WNK4: variants seen among roughly 807,000 people sequenced by gnomAD.
The protein encoded by WNK4 is WNK lysine deficient protein kinase 4.
Under a neutral mutation model 116.2 loss-of-function variants are expected in WNK4, and 94 were observed. The ratio of observed to expected loss-of-function variants is 0.81; its 90% confidence interval spans 0.68 to 0.96. The LOEUF (loss-of-function observed/expected upper bound fraction) is 0.96, where lower values mean the gene tolerates loss of function less well. Ranked by LOEUF, WNK4 falls within the 40% of genes least tolerant of loss-of-function variation. The pLI is 0.00. For missense variants in WNK4, 1,542 were observed against 1,650.6 expected, an observed-to-expected ratio of 0.93 and a Z score of 1.14; for synonymous variants, 655 against 672.7, an observed-to-expected ratio of 0.97 and a Z score of 0.41.
chr17:42,793,552 A>G (rs2054627218), intron 11 of WNK4, 40 bp from the exon 12 acceptor site: 1 of 1,612,156 alleles, frequency 6.2e-7, no homozygotes, highest in South Asian at 1.1e-5. Context: ...GATGAGTGAG[A>G]TAACAAGCTC....
chr17:42,786,771 G>C (rs577199656), intron 6 of WNK4, among the ~76,000 whole-genome samples: 1 of 152,322 alleles, frequency 6.6e-6, no homozygotes, highest in African/African-American at 2.4e-5. Context: ...CTGAGAATGT[G>C]TTAGAAATTT....
chr17:42,781,429 A>T, intron 1 of WNK4, 113 bp downstream of exon 1: 3 of 1,407,986 alleles, frequency 2.1e-6, no homozygotes, highest in Non-Finnish European at 2.9e-6. Context: ...TTTTCCAGTC[A>T]AATGTCTATA....
chr17:42,794,724 G>A (rs2054643581), intron 13 of WNK4, 48 bp from the exon 14 acceptor site: 1 of 1,613,870 alleles, frequency 6.2e-7, no homozygotes, highest in Admixed American at 1.7e-5. Context: ...CTCCTGGGAA[G>A]GGCATAGGGC....
chr17:42,787,547 G>A lies in WNK4; in HGVS notation c.1741+5G>A. ...CCAGCTACTCATCTACCACTTGTAA[G>A]TCACCCCTGATCTTGAGACGTAGGT... On this transcript the variant is annotated splice_donor_5th_base_variant and intron_variant, in intron 7 of 18. Transcript: ENST00000246914. The A allele has an allele frequency of 6.2e-7, 1 of 1,612,656 alleles. No homozygotes were observed. The highest frequency in any genetic ancestry group is 8.5e-7 in the Non-Finnish European group (1 of 1,179,936).
intron 6 of WNK4, among the ~76,000 whole-genome samples, chr17:42,786,870 G>T (rs1239590828): frequency 6.6e-6 from 1 of 152,174 alleles, no homozygotes; most frequent in Non-Finnish European, 1.5e-5. Flanking sequence ...TGGCACTGTT[G>T]ACATGTTTGT....
At position 42,787,462 on chromosome 17, in the gene WNK4, T is replaced by A; in HGVS notation, c.1661T>A (p.Phe554Tyr). Residue 554 changes from phenylalanine to tyrosine, a missense_variant, in exon 7 of 19, where the codon TTC becomes TAC. Physicochemically the swap from Phe to Tyr is conservative, Grantham distance 22. Transcript: ENST00000246914. ...ATGGCCCCCGGTCCCCCCAGTGTCT[T>A]CCCCCCTGAGCCTGAGGAGCCAGAG... ...VPMAPGPPSV[F>Y]PPEPEEPEAD... 7.3e-7 allele frequency: 1 copy of A among 1,361,584 alleles called. No homozygotes were observed. Among genetic ancestry groups the A allele is most frequent in the Admixed American group, 1.9e-5 (1 of 51,584 alleles). 84.3% of individuals were successfully genotyped at this position (1,361,584 alleles called of 1,614,324 possible). A position where few individuals can be genotyped will look rare whatever the true frequency, so the allele number is the denominator to read the frequency against.
rs7226262 is a variant in WNK4, at chr17:42,782,248, A to G, written c.619-510A>G. 0.11 allele frequency among the ~76,000 whole-genome samples: 16,697 copies of G among 152,010 alleles called. 2,805 individuals are homozygous for G. Among genetic ancestry groups the G allele is most frequent in the African/African-American group, 0.36 (14,859 of 41,330 alleles). Reference sequence around the variant, plus strand: ...GGGCGGGACGACTATGGGGGTGGGCAGCCTCCTGGCGCCTAGTCCTGGATC... The same window carrying G: ...GGGCGGGACGACTATGGGGGTGGGCGGCCTCCTGGCGCCTAGTCCTGGATC... On this transcript the variant is annotated intron_variant, in intron 1 of 18. Coordinates refer to ENST00000246914, the MANE Select transcript of WNK4 (RefSeq NM_032387.5). This position sits in a 1 kb window ranked among gnomAD's most constrained non-coding sequence, Gnocchi z 4.2.
Position 42,795,104 on chromosome 17 carries a change from A to G in WNK4, c.2683A>G (p.Thr895Ala). The change falls in exon 14 of 19, where the codon ACT becomes GCT. Residue 895 changes from threonine to alanine, a missense_variant. Physicochemically the swap from Thr to Ala is moderately conservative, Grantham distance 58 (BLOSUM62 0). Coordinates refer to ENST00000246914, the MANE Select transcript of WNK4 (RefSeq NM_032387.5). ...GACTTCTCCACCTACGTTCTCTCCCACTTGTTCTCAGGTCACTCTTAGTTC... is the reference window on the plus strand; with the variant it reads ...GACTTCTCCACCTACGTTCTCTCCCGCTTGTTCTCAGGTCACTCTTAGTTC... ...PTTSPPTFSPTCSQVTLSSPF... is the reference protein window; with the variant it reads ...PTTSPPTFSPACSQVTLSSPF... 1 of 1,612,916 alleles carries G rather than the reference A, an allele frequency of 6.2e-7. No individual in the cohort carries two copies. The highest frequency in any genetic ancestry group is 8.5e-7 in the Non-Finnish European group (1 of 1,179,746).
intron 11 of WNK4, among the ~76,000 whole-genome samples, chr17:42,792,523 A>G (rs1451506860): frequency 6.6e-6 from 1 of 152,212 alleles, no homozygotes; most frequent in Non-Finnish European, 1.5e-5. Context: ...TGTACCCATT[A>G]AACAACTCTG....
chr17:42,796,677 T>C lies in WNK4; in HGVS notation c.3730-9T>C. On this transcript the variant is annotated splice_polypyrimidine_tract_variant and intron_variant, in intron 18 of 18. Coordinates refer to ENST00000246914, the MANE Select transcript of WNK4 (RefSeq NM_032387.5). ...GAGGTTTCTTCATCACTTTTTCTTT[T>C]CCCTCCAGTGAATTCAGAACAGAAG... The C allele has an allele frequency of 6.2e-7, 1 of 1,614,096 alleles. No individual in the cohort carries two copies. Among genetic ancestry groups the C allele is most frequent in the Non-Finnish European group, 8.5e-7 (1 of 1,180,026 alleles).
At chr17:42,789,665 AAAATAAATAAATAAAT>A (rs3138622) in intron 11 of WNK4, among the ~76,000 whole-genome samples, 39 of 143,134 alleles carry the variant, frequency 2.7e-4, no homozygotes, top group South Asian at 4.6e-4. Flanking sequence ...ATTCTGTCTA[AAAATAAATAAATAAAT>A]AAATAAATAA....
Position 42,783,929 on chromosome 17 carries a change from TC to T in WNK4, c.792-3del. 2 of 1,611,466 alleles carry T rather than the reference TC, an allele frequency of 1.2e-6. No homozygotes were observed. On this transcript the variant is annotated splice_polypyrimidine_tract_variant and splice_region_variant and intron_variant, in intron 2 of 18. Coordinates refer to ENST00000246914, the MANE Select transcript of WNK4 (RefSeq NM_032387.5). ...CCACCAGGACTCTGGCTATGCGCCC[TC>T]CCCCAGGTACCTGAGGCGGTTCCGG...
Position 42,784,534 on chromosome 17 carries a change from C to A in WNK4, c.1125C>A (p.Tyr375Ter). 1 of 1,614,174 alleles carries A rather than the reference C, an allele frequency of 6.2e-7. No homozygotes were observed. The highest frequency in any genetic ancestry group is 8.5e-7 in the Non-Finnish European group (1 of 1,180,036). The change falls in exon 4 of 19, where the codon TAC becomes TAA. Residue 375 changes from tyrosine to a stop codon, truncating the protein, a stop_gained. Coordinates refer to ENST00000246914, the MANE Select transcript of WNK4 (RefSeq NM_032387.5). LOFTEE classifies it high-confidence loss of function. This position sits in a 1 kb window ranked among gnomAD's most constrained non-coding sequence, Gnocchi z 4.4. ...AGATGGCCACCTCTGAGTACCCGTA[C>A]TCCGAGTGCCAGAATGCCGCGCAAA... ...MLEMATSEYPYSECQNAAQIY... is the reference protein window; with the variant it reads ...MLEMATSEYP
At chr17:42,783,047 T>C (rs1308366849) in intron 2 of WNK4, 117 bp downstream of exon 2, 3 of 1,368,782 alleles carry the variant, frequency 2.2e-6, no homozygotes, top group South Asian at 2.6e-5. Context: ...AGGTTCACCA[T>C]CTCCCTCTCA....
In WNK4 at chr17:42,794,874, C is replaced by T. The variant is rs1467251720; in HGVS notation, c.2453C>T (p.Ser818Phe). 1.2e-6 allele frequency: 2 copies of T among 1,613,770 alleles called. No homozygotes were observed. The highest frequency in any genetic ancestry group is 2.2e-5 in the East Asian group (1 of 44,850). The change falls in exon 14 of 19, where the codon TCC becomes TTC. Residue 818 changes from serine (S) to phenylalanine (F), a missense_variant. Physicochemically the swap from Ser to Phe is radical, Grantham distance 155. Coordinates refer to ENST00000246914, the MANE Select transcript of WNK4 (RefSeq NM_032387.5). Reference protein sequence around the residue: ...GTPLSPGNPFSPGTPISPGPI... With the variant: ...GTPLSPGNPFFPGTPISPGPI... ...CCTTTGTCTCCTGGAAACCCATTTTCCCCTGGAACCCCCATTTCCCCAGGT... is the reference window on the plus strand; with the variant it reads ...CCTTTGTCTCCTGGAAACCCATTTTTCCCTGGAACCCCCATTTCCCCAGGT...
At position 42,793,769 on chromosome 17, in the gene WNK4, C is replaced by T. The variant is rs917101620; in HGVS notation, c.2295+40C>T. 12 of 1,612,720 alleles carry T rather than the reference C, an allele frequency of 7.4e-6. No homozygotes were observed. In the African/African-American group the frequency reaches 8.0e-5, roughly 11 times the overall value. On this transcript the variant is annotated intron_variant, in intron 12 of 18. Coordinates refer to ENST00000246914, the MANE Select transcript of WNK4 (RefSeq NM_032387.5). ...TGGACACTTCCAGGGGAAATGGACT[C>T]TCTGCTCCAGGGTTTATTACTCTCT...
At position 42,784,246 on chromosome 17, in the gene WNK4, C is replaced by T. The variant is rs2054517057; in HGVS notation, c.1012+89C>T. The T allele has an allele frequency of 6.4e-7, 1 of 1,570,408 alleles. No individual in the cohort carries two copies. The highest frequency in any genetic ancestry group is 8.7e-7 in the Non-Finnish European group (1 of 1,148,962). ...ACTCCCTCCCCTCAGCAAGGGCCTT[C>T]AAGGTCCACAAAACTACCAGACGAC... is the stretch of plus-strand genomic sequence containing the variant. On this transcript the variant is annotated intron_variant, in intron 3 of 18. Transcript: ENST00000246914. This position sits in a 1 kb window ranked among gnomAD's most constrained non-coding sequence, Gnocchi z 4.4.
chr17:42,788,431 G>A (rs181002043), intron 10 of WNK4, 24 bp downstream of exon 10: 1,347 of 1,607,520 alleles, frequency 8.4e-4, no homozygotes, highest in Non-Finnish European at 1.0e-3. Flanking sequence ...ACAGGAGATA[G>A]AGAGTAACCT....
intron 2 of WNK4, among the ~76,000 whole-genome samples, chr17:42,783,412 G>T (rs566380217): frequency 6.6e-6 from 1 of 152,068 alleles, no homozygotes; most frequent in African/African-American, 2.4e-5. Context: ...TTGGAATAAA[G>T]CCCACACAGG....
Sources: gnomAD v4.1 joint callset for allele counts (sites outside exome capture counted in the v4.1 genomes callset) on GRCh38, gnomAD v4.1.1 for gene constraint, Gnocchi (gnomAD v3.1) non-coding constraint, MANE v1.5 for transcripts, NCBI Gene and HGNC (gene_info 2026-07-23, HGNC 2026-07-21) for gene names.